Variants in LRRC3B observed in about 807,000 individuals in gnomAD.
LRRC3B encodes the protein leucine rich repeat containing 3B.
Under a neutral mutation model 12.8 loss-of-function variants are expected in LRRC3B, and 2 were observed. The observed-to-expected ratio is 0.16, with a 90% CI of 0.06 to 0.49. The LOEUF (loss-of-function observed/expected upper bound fraction) is 0.49, where lower values mean the gene tolerates loss of function less well. Among genes scored for constraint, LRRC3B ranks in the 20% least tolerant of loss-of-function variants. The pLI is 0.96. For missense variants in LRRC3B, 189 were observed against 319.4 expected (o/e 0.59, Z 3.11); for synonymous variants, 132 against 122.0 (o/e 1.08, Z -0.54).
chr3:26,628,462 C>T (rs917740926), intron 1 of LRRC3B, among the ~76,000 whole-genome samples: 14 of 146,516 alleles, frequency 9.6e-5, no homozygotes, highest in African/African-American at 3.2e-4. Flanking sequence ...ACCTGAGAAG[C>T]TTTACCCTTA....
intron 1 of LRRC3B, among the ~76,000 whole-genome samples, chr3:26,643,129 A>G (rs1295982664): frequency 2.6e-5 from 4 of 152,142 alleles, no homozygotes; most frequent in Non-Finnish European, 4.4e-5. Flanking sequence ...GACAAAGACA[A>G]TAAGGGATGA....
At chr3:26,685,635 C>A (rs57756423) in intron 1 of LRRC3B, among the ~76,000 whole-genome samples, 39,908 of 103,122 alleles carry the variant, frequency 0.39, 8,305 homozygotes, top group African/African-American at 0.65. Flanking sequence ...ATATATATAT[C>A]TATATACCTC....
At chr3:26,685,775 T>G (rs539535997) in intron 1 of LRRC3B, among the ~76,000 whole-genome samples, 4 of 152,142 alleles carry the variant, frequency 2.6e-5, no homozygotes, top group African/African-American at 9.6e-5. Context: ...ACTGAGCAAG[T>G]TGCCTGCTTT....
At chr3:26,694,960 T>TCATC (rs1248324946) in intron 1 of LRRC3B, among the ~76,000 whole-genome samples, 7 of 152,192 alleles carry the variant, frequency 4.6e-5, no homozygotes, top group African/African-American at 1.7e-4. Flanking sequence ...CTCCTTAATA[T>TCATC]CATCAACCCC....
At chr3:26,640,046 C>T (rs565944258) in intron 1 of LRRC3B, among the ~76,000 whole-genome samples, 4 of 152,180 alleles carry the variant, frequency 2.6e-5, no homozygotes, top group Admixed American at 6.5e-5. Flanking sequence ...TGCTCCAAGC[C>T]CCACAAGGCA....
intron 1 of LRRC3B, among the ~76,000 whole-genome samples, chr3:26,646,675 C>A (rs1699157755): frequency 7.2e-6 from 1 of 139,202 alleles, no homozygotes; most frequent in Non-Finnish European, 1.5e-5. Flanking sequence ...GCCCCTCATG[C>A]AAAAATCACT....
intron 1 of LRRC3B, among the ~76,000 whole-genome samples, chr3:26,703,783 C>A (rs1700515807): frequency 6.6e-6 from 1 of 151,652 alleles, no homozygotes; most frequent in South Asian, 2.1e-4. Flanking sequence ...AGTCTCTCAT[C>A]ATGAAACATG....
At chr3:26,624,315 T>G (rs797003177) in intron 1 of LRRC3B, 15 of 152,646 alleles carry the variant, frequency 9.8e-5, no homozygotes, top group African/African-American at 3.4e-4. Flanking sequence ...TGCTCTCTTC[T>G]CTGGCACCCG....
At chr3:26,640,368 T>C (rs57249409) in intron 1 of LRRC3B, among the ~76,000 whole-genome samples, 15,195 of 139,202 alleles carry the variant, frequency 0.11, 1,551 homozygotes, top group East Asian at 0.31. Context: ...TACTTTAAAA[T>C]AAAACAAAAC....
chr3:26,628,603 G>T (rs1698683400), intron 1 of LRRC3B, among the ~76,000 whole-genome samples: 1 of 151,690 alleles, frequency 6.6e-6, no homozygotes, highest in Admixed American at 6.6e-5. Flanking sequence ...TTTGATAAAT[G>T]GTTTGGAGCC....
intron 1 of LRRC3B, among the ~76,000 whole-genome samples, chr3:26,669,500 G>A (rs564582039): frequency 6.6e-6 from 1 of 152,200 alleles, no homozygotes; most frequent in South Asian, 2.1e-4. Context: ...TGTGAAATAA[G>A]GAGATGAATA....
At chr3:26,646,598 T>TAAAAAAAAAAAAAAGAAAAAAAAAAA (rs1699150535) in intron 1 of LRRC3B, among the ~76,000 whole-genome samples, 1 of 99,644 alleles carries the variant, frequency 1.0e-5, no homozygotes. Flanking sequence ...GGATAGGAGG[T>TAAAAAAAAAAAAAAGAAAAAAAAAAA]AAAAAAAAAA....
intron 1 of LRRC3B, among the ~76,000 whole-genome samples, chr3:26,686,749 A>G (rs1700096512): frequency 6.6e-6 from 1 of 152,182 alleles, no homozygotes; most frequent in Non-Finnish European, 1.5e-5. Flanking sequence ...TACCCTTGGG[A>G]TCAACATTTG....
At chr3:26,704,184 ATC>A (rs1186955206) in intron 1 of LRRC3B, among the ~76,000 whole-genome samples, 2 of 152,172 alleles carry the variant, frequency 1.3e-5, no homozygotes, top group Non-Finnish European at 2.9e-5. Flanking sequence ...CTTTAAAAAA[ATC>A]TACACAAATG....
At chr3:26,710,082 A>T (rs969406430) in exon 2 of LRRC3B, 2 of 1,614,164 alleles carry the variant, frequency 1.2e-6, no homozygotes, top group Non-Finnish European at 1.7e-6. Context: ...AATAACCTGA[A>T]GGCCAGGGCC....
At chr3:26,652,215 G>T (rs1288515044) in intron 1 of LRRC3B, among the ~76,000 whole-genome samples, 3 of 152,190 alleles carry the variant, frequency 2.0e-5, no homozygotes, top group Non-Finnish European at 2.9e-5. Context: ...ACAGAACACT[G>T]TATATATGTG....
At chr3:26,633,364 A>G (rs1477311357) in intron 1 of LRRC3B, among the ~76,000 whole-genome samples, 12 of 152,206 alleles carry the variant, frequency 7.9e-5, no homozygotes, top group Non-Finnish European at 1.0e-4. Context: ...GGTAGTTGTG[A>G]GGCTTAAATG....
chr3:26,681,023 T>C (rs1699960228), intron 1 of LRRC3B, among the ~76,000 whole-genome samples: 1 of 152,218 alleles, frequency 6.6e-6, no homozygotes, highest in African/African-American at 2.4e-5. Flanking sequence ...ACTTATATAC[T>C]ACAAAAGACA....
At chr3:26,710,114 C>T in exon 2 of LRRC3B, 1 of 1,614,066 alleles carries the variant, frequency 6.2e-7, no homozygotes, top group Non-Finnish European at 8.5e-7. Flanking sequence ...CAACCCCTGG[C>T]ACTGCGACTG....
Sources: gnomAD v4.1 joint callset for allele counts (sites outside exome capture counted in the v4.1 genomes callset) on GRCh38, gnomAD v4.1.1 for gene constraint, MANE v1.5 for transcripts, NCBI Gene and HGNC (gene_info 2026-07-23, HGNC 2026-07-21) for gene names.